MYOM2: variants seen among roughly 807,000 people sequenced by gnomAD.
MYOM2 encodes myomesin-2.
A neutral mutation model predicts 187.6 loss-of-function variants in MYOM2; 254 were observed. That is an observed-to-expected ratio of 1.35 (90% confidence interval 1.22 to 1.50). The LOEUF is 1.50. MYOM2 is among the 40% of genes most tolerant of loss of function. The pLI, the probability that MYOM2 is intolerant of heterozygous loss-of-function variation, is 0.00. For missense variants in MYOM2, 2,796 were observed against 1,924.0 expected (o/e 1.45, Z -8.48); for synonymous variants, 981 against 753.8 (o/e 1.30, Z -4.94).
At position 2,086,199 on chromosome 8, in the gene MYOM2, CGTGGCCCCACTGTCATGATCTCTTT is replaced by C. The variant is rs1477161088; in HGVS notation, c.1644+818_1644+842del. Among the ~76,000 whole-genome samples the C allele has an allele frequency of 7.1e-4, 15 of 21,272 alleles. 2 individuals carry two copies. Among genetic ancestry groups the C allele is most frequent in the Non-Finnish European group, 1.2e-3 (12 of 10,036 alleles). 14.0% of individuals were successfully genotyped at this position (21,272 alleles called of 152,430 possible). A position where few individuals can be genotyped will look rare whatever the true frequency, so the allele number is the denominator to read the frequency against. On this transcript the variant is annotated intron_variant, in intron 14 of 36. Transcript: ENST00000262113. Reference sequence around the variant, plus strand: ...CGTGGCCCCACTGTCATGATCTCTGCGTGGCCCCACTGTCATGATCTCTTTGTGGCCCCCCACTGTTGTGATCTTT... The same window carrying C: ...CGTGGCCCCACTGTCATGATCTCTGCGTGGCCCCCCACTGTTGTGATCTTT...
chr8:2,083,426 A>C (rs74774035), intron 13 of MYOM2, among the ~76,000 whole-genome samples: 1 of 150,400 alleles, frequency 6.6e-6, no homozygotes, highest in Non-Finnish European at 1.5e-5. Context: ...TGTGCTTAGC[A>C]GTATCTCATG....
At chr8:2,136,266 C>G (rs1798067290) in intron 32 of MYOM2, among the ~76,000 whole-genome samples, 1 of 152,184 alleles carries the variant, frequency 6.6e-6, no homozygotes, top group Non-Finnish European at 1.5e-5. Flanking sequence ...GTCCCAGCTG[C>G]AGGCTGTGGG....
At chr8:2,094,836 T>G (rs1796425217) in intron 17 of MYOM2, among the ~76,000 whole-genome samples, 1 of 152,202 alleles carries the variant, frequency 6.6e-6, no homozygotes, top group Admixed American at 6.5e-5. Flanking sequence ...TTTTATTATT[T>G]TGATCAAACG....
chr8:2,140,215 A>G (rs1241085576), intron 32 of MYOM2, among the ~76,000 whole-genome samples: 1 of 152,192 alleles, frequency 6.6e-6, no homozygotes, highest in African/African-American at 2.4e-5. Context: ...GTTCATGCAC[A>G]TTGCAGGAGG....
chr8:2,115,175 C>G (rs13272945), intron 25 of MYOM2, among the ~76,000 whole-genome samples: 1 of 137,046 alleles, frequency 7.3e-6, no homozygotes, highest in South Asian at 2.4e-4. Flanking sequence ...AAAAAAAAAA[C>G]AAAAAACAAA....
intron 6 of MYOM2, among the ~76,000 whole-genome samples, chr8:2,061,962 C>T (rs548701977): frequency 5.3e-4 from 80 of 152,206 alleles, no homozygotes; most frequent in Admixed American, 7.8e-4. Flanking sequence ...CAGCCAGCCA[C>T]AGCAGCTGTG....
Position 2,100,989 on chromosome 8 carries a change from A to G in MYOM2, c.2554A>G (p.Arg852Gly), listed in dbSNP as rs572028675. ...TGTTTCTGGATATTTCGTGGACTTC[A>G]GGGAGGAGGATGCTGGAGAGTGGAT... ...SPVSGYFVDF[R>G]EEDAGEWITV... The change falls in exon 20 of 37, where the codon AGG (arginine) becomes GGG (glycine). Residue 852 changes from arginine to glycine, a missense_variant. Coordinates refer to ENST00000262113, the MANE Select transcript of MYOM2 (RefSeq NM_003970.4). The G allele has an allele frequency of 2.5e-6, 4 of 1,614,138 alleles. No homozygotes were observed. In the African/African-American group the frequency reaches 5.3e-5, roughly 22 times the overall value.
intron 31 of MYOM2, 135 bp downstream of exon 31, chr8:2,124,352 G>A (rs888730140): frequency 6.7e-5 from 55 of 825,804 alleles, no homozygotes; most frequent in Non-Finnish European, 9.6e-5. Context: ...TGGATGGAAG[G>A]GCAGGGTGGT....
At chr8:2,069,041 T>C (rs1819122921) in intron 6 of MYOM2, among the ~76,000 whole-genome samples, 1 of 152,204 alleles carries the variant, frequency 6.6e-6, no homozygotes, top group Admixed American at 6.5e-5. Context: ...ACCTTTTTAT[T>C]CTTAAGGCCG....
intron 1 of MYOM2, among the ~76,000 whole-genome samples, chr8:2,045,650 A>G (rs966806879): frequency 1.3e-5 from 2 of 152,258 alleles, no homozygotes; most frequent in African/African-American, 4.8e-5. Context: ...TATCCACGGT[A>G]TGGGAAAGAG....
intron 25 of MYOM2, among the ~76,000 whole-genome samples, chr8:2,115,165 A>C (rs75827817): frequency 1.2e-4 from 3 of 24,712 alleles, no homozygotes; most frequent in African/African-American, 2.0e-4. Flanking sequence ...GGCAACCAGC[A>C]AAAAAAAAAC....
At chr8:2,108,444 G>A (rs994357739) in intron 23 of MYOM2, among the ~76,000 whole-genome samples, 1 of 152,098 alleles carries the variant, frequency 6.6e-6, no homozygotes, top group Non-Finnish European at 1.5e-5. Context: ...TTTTAGGAAA[G>A]AGCTCACATT....
intron 28 of MYOM2, among the ~76,000 whole-genome samples, chr8:2,118,223 T>C (rs1797312115): frequency 6.6e-6 from 1 of 152,166 alleles, no homozygotes; most frequent in African/African-American, 2.4e-5. Context: ...TAAACGATTA[T>C]TAAGTGAGTT....
At chr8:2,046,393 G>T (rs535238631) in intron 1 of MYOM2, among the ~76,000 whole-genome samples, 1 of 152,330 alleles carries the variant, frequency 6.6e-6, no homozygotes, top group South Asian at 2.1e-4. Context: ...AGTGGCCGGG[G>T]AGCTGGGCTG....
intron 6 of MYOM2, among the ~76,000 whole-genome samples, chr8:2,066,734 G>A (rs1172795912): frequency 6.6e-6 from 1 of 152,190 alleles, no homozygotes; most frequent in Non-Finnish European, 1.5e-5. Flanking sequence ...AATTATATGG[G>A]TAGATCAGCA....
At chr8:2,052,009 C>T in intron 2 of MYOM2, 149 bp from the exon 3 acceptor site, 1 of 882,412 alleles carries the variant, frequency 1.1e-6, no homozygotes, top group South Asian at 1.6e-5. Context: ...TAGGTGCATG[C>T]CTCTCATATG....
chr8:2,122,230 G>C, intron 28 of MYOM2, among the ~76,000 whole-genome samples: 1 of 152,248 alleles, frequency 6.6e-6, no homozygotes, highest in South Asian at 2.1e-4. Flanking sequence ...TGGAGCCTCA[G>C]CCGCAGTCCA....
intron 36 of MYOM2, among the ~76,000 whole-genome samples, chr8:2,143,717 C>T (rs1297868908): frequency 2.0e-5 from 3 of 152,214 alleles, no homozygotes; most frequent in Non-Finnish European, 2.9e-5. Flanking sequence ...CACTCAGGCA[C>T]CTCAAGGCAA....
chr8:2,112,098 ACGGCAGCACCTACCC>A (rs1797086486), intron 25 of MYOM2, among the ~76,000 whole-genome samples: 1 of 152,060 alleles, frequency 6.6e-6, no homozygotes, highest in Admixed American at 6.6e-5. Flanking sequence ...TTCCCAGTGG[ACGGCAGCACCTACCC>A]TGTACATCAC....
Sources: gnomAD v4.1 joint callset for allele counts (sites outside exome capture counted in the v4.1 genomes callset) on GRCh38, gnomAD v4.1.1 for gene constraint, MANE v1.5 for transcripts, NCBI Gene and HGNC (gene_info 2026-07-23, HGNC 2026-07-21) for gene names.